The following TMEM132D variants were observed in gnomAD, a reference collection of about 807,000 sequenced individuals.
The protein encoded by TMEM132D is transmembrane protein 132D.
A neutral mutation model predicts 62.3 loss-of-function variants in TMEM132D; 21 were observed. That is an observed-to-expected ratio of 0.34 (90% CI 0.24 to 0.49). The LOEUF (loss-of-function observed/expected upper bound fraction) is 0.49. TMEM132D is among the 20% of genes least tolerant of loss of function. The probability of loss-of-function intolerance (pLI) is 0.99; values close to 1 mark genes in which losing one functional copy is unlikely to be tolerated. For synonymous variants in TMEM132D, 621 were observed against 575.6 expected (o/e 1.08, Z -1.13); for missense variants, 1,346 against 1,402.8 (o/e 0.96, Z 0.65).
intron 3 of TMEM132D, among the ~76,000 whole-genome samples, chr12:129,410,081 T>C (rs778828228): frequency 6.6e-6 from 1 of 152,192 alleles, no homozygotes; most frequent in Non-Finnish European, 1.5e-5. Context: ...CTTTGTCCCA[T>C]GATGGGTGTG....
At chr12:129,618,184 A>C (rs1024544217) in intron 2 of TMEM132D, among the ~76,000 whole-genome samples, 1 of 152,236 alleles carries the variant, frequency 6.6e-6, no homozygotes, top group Non-Finnish European at 1.5e-5. Context: ...CGAGGGTCCT[A>C]TTCCAGTAAG....
intron 2 of TMEM132D, among the ~76,000 whole-genome samples, chr12:129,556,394 A>C (rs974289222): frequency 2.6e-5 from 4 of 152,064 alleles, no homozygotes; most frequent in Admixed American, 2.6e-4. Flanking sequence ...GTCCAAGCTG[A>C]GCGCAAATCC....
At chr12:129,650,225 T>C (rs527631116) in intron 2 of TMEM132D, among the ~76,000 whole-genome samples, 1 of 152,324 alleles carries the variant, frequency 6.6e-6, no homozygotes, top group East Asian at 1.9e-4. Flanking sequence ...GCTATCCTAT[T>C]GTACGCATCT....
intron 5 of TMEM132D, among the ~76,000 whole-genome samples, chr12:129,088,303 C>T (rs868435783): frequency 4.8e-5 from 2 of 42,006 alleles, no homozygotes; most frequent in Non-Finnish European, 8.0e-5. Flanking sequence ...GGGTGTCCTC[C>T]ATGACCGGGT....
At chr12:129,311,603 T>A (rs1881979032) in intron 4 of TMEM132D, among the ~76,000 whole-genome samples, 2 of 152,256 alleles carry the variant, frequency 1.3e-5, no homozygotes, top group Admixed American at 1.3e-4. Flanking sequence ...GAGGGTAATT[T>A]CAAGTAATTA....
chr12:129,479,740 C>T (rs980924165), intron 3 of TMEM132D, among the ~76,000 whole-genome samples: 1 of 151,214 alleles, frequency 6.6e-6, no homozygotes, highest in Non-Finnish European at 1.5e-5. Flanking sequence ...CTCACTGTGT[C>T]CTAGAGATTT....
chr12:129,119,312 A>G (rs1593267604), intron 5 of TMEM132D, among the ~76,000 whole-genome samples: 1 of 152,212 alleles, frequency 6.6e-6, no homozygotes, highest in Non-Finnish European at 1.5e-5. Context: ...TATCAAAAAC[A>G]CACCCACACT....
At chr12:129,641,777 C>G (rs909495183) in intron 2 of TMEM132D, among the ~76,000 whole-genome samples, 6 of 152,220 alleles carry the variant, frequency 3.9e-5, no homozygotes, top group African/African-American at 1.4e-4. Flanking sequence ...ATTCATCCCA[C>G]CGCACTTGTC....
chr12:129,646,521 A>T (rs998503300), intron 2 of TMEM132D, among the ~76,000 whole-genome samples: 1 of 152,152 alleles, frequency 6.6e-6, no homozygotes, highest in Non-Finnish European at 1.5e-5. Flanking sequence ...TCAGGAATAC[A>T]AAAGAAGTAG....
intron 2 of TMEM132D, among the ~76,000 whole-genome samples, chr12:129,573,666 T>C (rs1171247985): frequency 3.9e-5 from 6 of 152,130 alleles, no homozygotes; most frequent in African/African-American, 1.4e-4. Context: ...TGACTTTATT[T>C]AGCATAGCCT....
chr12:129,638,810 C>G (rs923284094), intron 2 of TMEM132D, among the ~76,000 whole-genome samples: 14 of 151,878 alleles, frequency 9.2e-5, no homozygotes, highest in Non-Finnish European at 1.8e-4. Flanking sequence ...TGTAAGCAGT[C>G]CCCGCAATTA....
intron 2 of TMEM132D, among the ~76,000 whole-genome samples, chr12:129,536,339 A>C (rs1876388576): frequency 6.6e-6 from 1 of 152,188 alleles, no homozygotes; most frequent in South Asian, 2.1e-4. Context: ...GTCACAGCAA[A>C]GCTTTTTTGA....
rs142810986 is a variant in TMEM132D, at chr12:129,211,486, C to T, written c.1300-1823G>A. ...TGATTCTCATGTGAAATGTAAAATG[C>T]CTGTTAGTAGAATGCCAGCAGAAGG... On this transcript the variant is annotated intron_variant, in intron 4 of 8. Coordinates refer to ENST00000422113, the MANE Select transcript of TMEM132D (RefSeq NM_133448.3). Among the ~76,000 whole-genome samples, 626 of 152,202 alleles carry T rather than the reference C, an allele frequency of 4.1e-3. 2 individuals are homozygous for T. The highest frequency in any genetic ancestry group is 6.7e-3 in the Non-Finnish European group (458 of 68,018).
chr12:129,611,252 A>C (rs1215201822), intron 2 of TMEM132D, among the ~76,000 whole-genome samples: 1 of 152,230 alleles, frequency 6.6e-6, no homozygotes, highest in Non-Finnish European at 1.5e-5. Context: ...AAGAAAACGA[A>C]GACATGGAAA....
chr12:129,158,207 C>G (rs549302787), intron 5 of TMEM132D, among the ~76,000 whole-genome samples: 4 of 152,210 alleles, frequency 2.6e-5, no homozygotes, highest in African/African-American at 9.6e-5. Flanking sequence ...GAGGACTGCT[C>G]TAAGATGCAT....
chr12:129,762,653 G>A (rs7301242), intron 1 of TMEM132D, among the ~76,000 whole-genome samples: 30,316 of 152,022 alleles, frequency 0.2, 3,266 homozygotes, highest in South Asian at 0.27. Flanking sequence ...TTTCTGTCAC[G>A]CATAACTTCT....
At chr12:129,683,751 G>A (rs973264898) in intron 2 of TMEM132D, among the ~76,000 whole-genome samples, 31 of 152,202 alleles carry the variant, frequency 2.0e-4, no homozygotes, top group East Asian at 7.7e-4. Flanking sequence ...AGGTGGGGGC[G>A]AATTAAACTC....
At chr12:129,545,523 T>C (rs1876708579) in intron 2 of TMEM132D, among the ~76,000 whole-genome samples, 1 of 152,210 alleles carries the variant, frequency 6.6e-6, no homozygotes, top group Non-Finnish European at 1.5e-5. Flanking sequence ...CAGTAGAGTA[T>C]TGCTGACTAT....
Position 129,078,730 on chromosome 12 carries a change from A to G in TMEM132D, c.1924-5T>C, listed in dbSNP as rs2135611669. The G allele has an allele frequency of 6.2e-7, 1 of 1,611,092 alleles. No homozygotes were observed. Among genetic ancestry groups the G allele is most frequent in the South Asian group, 1.1e-5 (1 of 91,004 alleles). The stretch of plus-strand genomic sequence containing the variant: ...GTCTGACAGAGGAGACAGGATCTGG[A>G]GGGCAGAAGCGACATGACAAGGAAA... On this transcript the variant is annotated splice_region_variant and splice_polypyrimidine_tract_variant and intron_variant, in intron 7 of 8. Transcript: ENST00000422113.
Sources: gnomAD v4.1 joint callset for allele counts (sites outside exome capture counted in the v4.1 genomes callset) on GRCh38, gnomAD v4.1.1 for gene constraint, MANE v1.5 for transcripts, NCBI Gene and HGNC (gene_info 2026-07-23, HGNC 2026-07-21) for gene names.